Variants in SLC24A2 observed in about 807,000 individuals in gnomAD.
SLC24A2 encodes the protein solute carrier family 24 member 2.
Under a neutral mutation model 62.0 loss-of-function variants are expected in SLC24A2, and 36 were observed. The observed-to-expected ratio is 0.58, with a 90% CI of 0.44 to 0.77. The LOEUF is 0.77. Among genes scored for constraint, SLC24A2 ranks in the 30% least tolerant of loss-of-function variants. SLC24A2 has a pLI of 0.00. For missense variants in SLC24A2, 846 were observed against 817.9 expected (o/e 1.03, Z -0.42); for synonymous variants, 358 against 294.0 (o/e 1.22, Z -2.23).
intron 2 of SLC24A2, among the ~76,000 whole-genome samples, chr9:19,744,079 G>C (rs1234594273): frequency 6.6e-6 from 1 of 152,066 alleles, no homozygotes; most frequent in African/African-American, 2.4e-5. Flanking sequence ...CCTCATATGG[G>C]CTGGCAGAGC....
At chr9:19,784,859 T>C (rs2118941574) in intron 2 of SLC24A2, among the ~76,000 whole-genome samples, 1 of 152,338 alleles carries the variant, frequency 6.6e-6, no homozygotes, top group South Asian at 2.1e-4. Flanking sequence ...ATGGCTGCAA[T>C]GAAAAGGACG....
the SLC24A2 span, among the ~76,000 whole-genome samples, chr9:20,080,571 GGAC>G: frequency 6.6e-6 from 1 of 152,136 alleles, no homozygotes; most frequent in Admixed American, 6.5e-5. Context: ...GCATGGGCAA[GGAC>G]TTCTTGTCTA....
At chr9:19,629,303 T>G (rs1487530574) in intron 2 of SLC24A2, among the ~76,000 whole-genome samples, 1 of 152,108 alleles carries the variant, frequency 6.6e-6, no homozygotes, top group African/African-American at 2.4e-5. Context: ...TCAAATATAG[T>G]AAAAAATAGT....
the SLC24A2 span, among the ~76,000 whole-genome samples, chr9:19,948,689 C>T: frequency 2.0e-5 from 3 of 151,246 alleles, no homozygotes; most frequent in Non-Finnish European, 3.0e-5. Context: ...ACTAAAAATA[C>T]AAAAAATTAG....
At chr9:19,953,292 T>A in the SLC24A2 span, among the ~76,000 whole-genome samples, 1 of 152,148 alleles carries the variant, frequency 6.6e-6, no homozygotes, top group Admixed American at 6.5e-5. Flanking sequence ...TAAGTGAGAA[T>A]TGATCTTAGA....
At chr9:19,809,776 G>A in the SLC24A2 span, among the ~76,000 whole-genome samples, 1 of 151,982 alleles carries the variant, frequency 6.6e-6, no homozygotes, top group African/African-American at 2.4e-5. Flanking sequence ...TATGTAAATC[G>A]GACACCACCT....
At chr9:19,820,040 TAC>T in the SLC24A2 span, among the ~76,000 whole-genome samples, 32 of 21,060 alleles carry the variant, frequency 1.5e-3, no homozygotes, top group African/African-American at 1.9e-3. Context: ...TATATATATA[TAC>T]ATATATATAT....
At chr9:19,876,365 CGTGTGTGTGT>C in the SLC24A2 span, among the ~76,000 whole-genome samples, 150 of 145,624 alleles carry the variant, frequency 1.0e-3, 1 homozygote, top group African/African-American at 1.4e-3. Flanking sequence ...TTATTGAAGG[CGTGTGTGTGT>C]GTGTGTGTGT....
chr9:20,064,809 A>C, the SLC24A2 span, among the ~76,000 whole-genome samples: 1 of 152,354 alleles, frequency 6.6e-6, no homozygotes, highest in South Asian at 2.1e-4. Flanking sequence ...TACAATATGC[A>C]TATGAATCCA....
At chr9:19,896,029 C>G in the SLC24A2 span, 1 of 1,411,720 alleles carries the variant, frequency 7.1e-7, no homozygotes, top group South Asian at 1.3e-5. Flanking sequence ...GAAGCCACAG[C>G]AGGTCCCCTT....
chr9:19,661,749 CA>C (rs1208814019), intron 2 of SLC24A2, among the ~76,000 whole-genome samples: 6 of 152,190 alleles, frequency 3.9e-5, no homozygotes, highest in Non-Finnish European at 7.4e-5. Context: ...AAAAAACCAT[CA>C]AAAATGACAG....
At chr9:20,113,812 C>T in the SLC24A2 span, among the ~76,000 whole-genome samples, 1 of 152,080 alleles carries the variant, frequency 6.6e-6, no homozygotes, top group African/African-American at 2.4e-5. Flanking sequence ...CACTGACTTC[C>T]TCTTTCAATC....
intron 2 of SLC24A2, among the ~76,000 whole-genome samples, chr9:19,714,478 T>C (rs1183618572): frequency 4.6e-5 from 7 of 152,256 alleles, no homozygotes; most frequent in African/African-American, 1.4e-4. Context: ...TCTTTACTTC[T>C]GTTTCTAGAG....
At chr9:20,264,034 C>A in the SLC24A2 span, among the ~76,000 whole-genome samples, 1 of 152,116 alleles carries the variant, frequency 6.6e-6, no homozygotes, top group African/African-American at 2.4e-5. Context: ...ACAAGAGAGA[C>A]CCAATGCTTC....
At chr9:19,545,436 A>G (rs893289401) in intron 8 of SLC24A2, among the ~76,000 whole-genome samples, 2 of 152,012 alleles carry the variant, frequency 1.3e-5, no homozygotes, top group African/African-American at 2.4e-5. Flanking sequence ...CTGTCGAGTC[A>G]TGAAACTCAT....
chr9:19,562,323 G>A (rs868745270), intron 7 of SLC24A2, among the ~76,000 whole-genome samples: 1 of 152,130 alleles, frequency 6.6e-6, no homozygotes, highest in Non-Finnish European at 1.5e-5. Flanking sequence ...TTTCTTTCCA[G>A]AGTGGTAATG....
chr9:19,806,794 G>T, the SLC24A2 span, among the ~76,000 whole-genome samples: 6 of 152,274 alleles, frequency 3.9e-5, no homozygotes, highest in African/African-American at 1.2e-4. Context: ...TCACATCACA[G>T]TCACAGCTCT....
At chr9:19,882,804 C>A in the SLC24A2 span, among the ~76,000 whole-genome samples, 1 of 152,090 alleles carries the variant, frequency 6.6e-6, no homozygotes, top group Non-Finnish European at 1.5e-5. Flanking sequence ...CAGCAAGCAA[C>A]ATTTAAAAAT....
chr9:20,196,724 C>A, the SLC24A2 span, among the ~76,000 whole-genome samples: 2 of 152,108 alleles, frequency 1.3e-5, no homozygotes, highest in African/African-American at 4.8e-5. Context: ...CATTTTCCCA[C>A]CTTTTAAAAT....
Sources: gnomAD v4.1 joint callset for allele counts (sites outside exome capture counted in the v4.1 genomes callset) on GRCh38, gnomAD v4.1.1 for gene constraint, MANE v1.5 for transcripts, NCBI Gene and HGNC (gene_info 2026-07-23, HGNC 2026-07-21) for gene names.